The following TSPAN13 variants were observed in gnomAD, a reference collection of about 807,000 sequenced individuals.
The protein encoded by TSPAN13 is tetraspanin-13.
TSPAN13 carries 18 observed loss-of-function variants against 26.9 expected under a neutral mutation model. The observed-to-expected ratio is 0.67, with a 90% CI of 0.46 to 0.99. TSPAN13 has a LOEUF of 0.99. Ranked by LOEUF, TSPAN13 falls within the 50% of genes least tolerant of loss-of-function variation. The pLI, the probability that TSPAN13 is intolerant of heterozygous loss-of-function variation, is 0.00. For missense variants in TSPAN13, 201 were observed against 249.6 expected (o/e 0.81, Z 1.31); for synonymous variants, 116 against 98.4 (o/e 1.18, Z -1.06).
intron 1 of TSPAN13, among the ~76,000 whole-genome samples, chr7:16,759,379 T>G (rs940088206): frequency 1.3e-5 from 2 of 151,190 alleles, no homozygotes; most frequent in Admixed American, 6.6e-5. Context: ...ATGGGGAGAG[T>G]GAGGGGGAGG....
chr7:16,763,284 G>A (rs1149523), intron 1 of TSPAN13, among the ~76,000 whole-genome samples: 1,589 of 152,258 alleles, frequency 0.01, 33 homozygotes, highest in African/African-American at 0.036. Flanking sequence ...TAGGGAAGGC[G>A]ATCACCATGG....
At position 16,762,821 on chromosome 7, in the gene TSPAN13, C is replaced by A. The variant is rs199845912; in HGVS notation, c.63+8791C>A. ...GTACCATGAATTGTTCCAGGCCAGG[C>A]AGAAGATGGTCTAAAATGTCTTTCC... On this transcript the variant is annotated intron_variant, in intron 1 of 5. Coordinates refer to ENST00000262067, the MANE Select transcript of TSPAN13 (RefSeq NM_014399.4). Among the ~76,000 whole-genome samples the A allele has an allele frequency of 3.3e-5, 5 of 152,188 alleles. No homozygotes were observed. In the East Asian group the frequency reaches 5.8e-4, roughly 18 times the overall value.
At chr7:16,766,859 A>G (rs1395628919) in intron 1 of TSPAN13, among the ~76,000 whole-genome samples, 1 of 152,330 alleles carries the variant, frequency 6.6e-6, no homozygotes, top group Admixed American at 6.5e-5. Context: ...AGGAAATTTC[A>G]TATGCTCAGG....
chr7:16,778,978 G>A (rs1784784782), intron 4 of TSPAN13, 25 bp from the exon 5 acceptor site: 3 of 1,524,846 alleles, frequency 2.0e-6, no homozygotes, highest in Non-Finnish European at 2.7e-6. Context: ...TTGAAATAAA[G>A]GTTTTTTTAC....
rs1341451253 is a variant in TSPAN13, at chr7:16,764,376, T to TA, written c.63+10349dup. 5.9e-5 allele frequency among the ~76,000 whole-genome samples: 9 copies of TA among 152,122 alleles called. 1 individual carries two copies. Among genetic ancestry groups the TA allele is most frequent in the Admixed American group, 5.9e-4 (9 of 15,264 alleles). ...TGTATGTATCAATCTGAAAGACACATAAACACATGGTGCTTAATGTTAAAA... is the reference window on the plus strand; with the variant it reads ...TGTATGTATCAATCTGAAAGACACATAAAACACATGGTGCTTAATGTTAAAA... On this transcript the variant is annotated intron_variant, in intron 1 of 5. Transcript: ENST00000262067.
At chr7:16,775,643 A>C (rs1421605723) in intron 1 of TSPAN13, 1 of 152,146 alleles carries the variant, frequency 6.6e-6, no homozygotes, top group Non-Finnish European at 1.5e-5. Flanking sequence ...CTTACTCTCA[A>C]GTTGCTGCCA....
intron 1 of TSPAN13, among the ~76,000 whole-genome samples, chr7:16,754,891 C>T (rs1424424251): frequency 1.3e-5 from 2 of 152,162 alleles, no homozygotes; most frequent in Admixed American, 6.5e-5. Context: ...ACACAATGCT[C>T]GTTCATCATT....
At chr7:16,760,370 C>T (rs931670876) in intron 1 of TSPAN13, among the ~76,000 whole-genome samples, 9 of 152,074 alleles carry the variant, frequency 5.9e-5, no homozygotes, top group Non-Finnish European at 1.0e-4. Context: ...GGAGGTAGGG[C>T]GACCTGATTT....
At chr7:16,770,671 G>T (rs1784663942) in intron 1 of TSPAN13, among the ~76,000 whole-genome samples, 1 of 151,892 alleles carries the variant, frequency 6.6e-6, no homozygotes, top group South Asian at 2.1e-4. Flanking sequence ...TTTTTGATTG[G>T]CAGCAATGTT....
chr7:16,757,914 A>G (rs912385965), intron 1 of TSPAN13, among the ~76,000 whole-genome samples: 1 of 151,844 alleles, frequency 6.6e-6, no homozygotes, highest in Non-Finnish European at 1.5e-5. Flanking sequence ...GCTCACTGCA[A>G]CCTCCGCCTC....
intron 1 of TSPAN13, among the ~76,000 whole-genome samples, chr7:16,774,675 A>G (rs1393143423): frequency 6.6e-6 from 1 of 152,146 alleles, no homozygotes; most frequent in Non-Finnish European, 1.5e-5. Context: ...GACTAGACGA[A>G]TTTCTGAGTG....
chr7:16,759,814 T>C (rs1784522235), intron 1 of TSPAN13, among the ~76,000 whole-genome samples: 1 of 151,376 alleles, frequency 6.6e-6, no homozygotes, highest in Admixed American at 6.6e-5. Context: ...TCAGCCTACC[T>C]AGTAGCTGGG....
chr7:16,762,986 C>T (rs766467926), intron 1 of TSPAN13, among the ~76,000 whole-genome samples: 1 of 152,118 alleles, frequency 6.6e-6, no homozygotes, highest in African/African-American at 2.4e-5. Flanking sequence ...ATTCAAGACC[C>T]CTGAAAATCT....
In TSPAN13 at chr7:16,776,251, T is replaced by C. The variant is rs752446254; in HGVS notation, c.104T>C (p.Ile35Thr). The change falls in exon 2 of 6, where the codon ATT becomes ACT. Residue 35 changes from isoleucine to threonine, a missense_variant. By Grantham distance (89) the Ile-to-Thr change is moderately conservative. Transcript: ENST00000262067. ...LLLIGIAAWGIGFGLISSLRV... is the reference protein window; with the variant it reads ...LLLIGIAAWGTGFGLISSLRV... ...CTAATTGGAATTGCTGCGTGGGGCA[T>C]TGGCTTCGGGCTGATTTCCAGTCTC... The C allele has an allele frequency of 2.5e-6, 4 of 1,614,116 alleles. No individual in the cohort carries two copies. In the South Asian group the frequency reaches 3.3e-5, roughly 13 times the overall value.
chr7:16,778,991 T>A lies in TSPAN13; in HGVS notation c.427-12T>A. 1 of 1,566,214 alleles carries A rather than the reference T, an allele frequency of 6.4e-7. No individual in the cohort carries two copies. The highest frequency in any genetic ancestry group is 8.6e-7 in the Non-Finnish European group (1 of 1,158,230). ...TTTTGAAATAAAGGTTTTTTTACTT[T>A]AATTGGTGCAGAGCTGTGTTAAAAG... On this transcript the variant is annotated splice_polypyrimidine_tract_variant and intron_variant, in intron 4 of 5. Coordinates refer to ENST00000262067, the MANE Select transcript of TSPAN13 (RefSeq NM_014399.4).
At chr7:16,755,191 A>G (rs1784469214) in intron 1 of TSPAN13, among the ~76,000 whole-genome samples, 1 of 152,180 alleles carries the variant, frequency 6.6e-6, no homozygotes, top group Admixed American at 6.5e-5. Context: ...GAGCTAGGCC[A>G]TCTGTGCAAG....
chr7:16,768,767 G>C (rs922142091), intron 1 of TSPAN13, among the ~76,000 whole-genome samples: 1 of 152,180 alleles, frequency 6.6e-6, no homozygotes, highest in African/African-American at 2.4e-5. Flanking sequence ...CTCTTTCTCT[G>C]CTGACTTAGA....
chr7:16,776,969 G>T, intron 2 of TSPAN13, 73 bp from the exon 3 acceptor site: 1 of 1,003,942 alleles, frequency 1.0e-6, no homozygotes, highest in Admixed American at 2.1e-5. Context: ...TTCTAAAGTT[G>T]TCAGTACCTC....
In TSPAN13 at chr7:16,753,910, A is replaced by T. The variant is rs894995274; in HGVS notation, c.-58A>T. The T allele has an allele frequency of 6.4e-7, 1 of 1,558,968 alleles. No individual in the cohort carries two copies. The highest frequency in any genetic ancestry group is 1.4e-5 in the African/African-American group (1 of 73,378). The stretch of plus-strand genomic sequence containing the variant: ...CAAAGGCAAGGACAAAGCAGCTGTC[A>T]GGGAACCTCCGCCGGAGTCGAATTT... On this transcript the variant is annotated 5_prime_UTR_variant, in exon 1 of 6. Transcript: ENST00000262067.
Sources: gnomAD v4.1 joint callset for allele counts (sites outside exome capture counted in the v4.1 genomes callset) on GRCh38, gnomAD v4.1.1 for gene constraint, MANE v1.5 for transcripts, NCBI Gene and HGNC (gene_info 2026-07-23, HGNC 2026-07-21) for gene names.